FARS2: variants seen among roughly 807,000 people sequenced by gnomAD.
The protein encoded by FARS2 is phenylalanyl-tRNA synthetase 2, mitochondrial, also known as phenylalanine--tRNA ligase, mitochondrial.
Under a neutral mutation model 46.4 loss-of-function variants are expected in FARS2, and 40 were observed. The ratio of observed to expected loss-of-function variants is 0.86; its 90% CI spans 0.67 to 1.12. The LOEUF (loss-of-function observed/expected upper bound fraction) is 1.12, where lower values mean the gene tolerates loss of function less well. Ranked by LOEUF, FARS2 falls within the 50% of genes most tolerant of loss-of-function variation. The pLI is 0.00. For missense variants in FARS2, 513 were observed against 567.9 expected, an observed-to-expected ratio of 0.90 and a Z score of 0.98; for synonymous variants, 234 against 214.9, an observed-to-expected ratio of 1.09 and a Z score of -0.78.
At chr6:5,670,317 CT>C (rs1778387640) in intron 6 of FARS2, among the ~76,000 whole-genome samples, 1 of 152,206 alleles carries the variant, frequency 6.6e-6, no homozygotes, top group East Asian at 1.9e-4. Flanking sequence ...AGTACACCCC[CT>C]GATCATTGTG....
intron 4 of FARS2, among the ~76,000 whole-genome samples, chr6:5,464,063 T>G (rs1765386084): frequency 6.6e-6 from 1 of 152,204 alleles, no homozygotes; most frequent in Admixed American, 6.5e-5. Flanking sequence ...GTATGTACAT[T>G]TGGTTGCACT....
intron 2 of FARS2, among the ~76,000 whole-genome samples, chr6:5,386,601 G>A (rs2127680631): frequency 6.6e-6 from 1 of 152,262 alleles, no homozygotes; most frequent in Non-Finnish European, 1.5e-5. Flanking sequence ...TGGCAGGGAT[G>A]ATCGATAAGA....
At chr6:5,260,601 C>CCGGCCCCGGGG, upstream of FARS2, 4 of 1,202,674 alleles carry the variant, frequency 3.3e-6, no homozygotes, top group Non-Finnish European at 4.7e-6. Context: ...CCCCCGGTCC[C>CCGGCCCCGGGG]CGGCCCCTGG....
chr6:5,527,143 C>T (rs543666346), intron 4 of FARS2, among the ~76,000 whole-genome samples: 7 of 152,312 alleles, frequency 4.6e-5, no homozygotes, highest in African/African-American at 1.4e-4. Context: ...GTCAACTCTT[C>T]GGTTATATTC....
intron 6 of FARS2, among the ~76,000 whole-genome samples, chr6:5,658,188 G>A (rs1452408288): frequency 6.6e-6 from 1 of 151,696 alleles, no homozygotes; most frequent in East Asian, 1.9e-4. Context: ...CCCGGAAGGT[G>A]GAGTTTGTGG....
At chr6:5,434,463 G>C (rs1582094955) in intron 4 of FARS2, among the ~76,000 whole-genome samples, 1 of 152,292 alleles carries the variant, frequency 6.6e-6, no homozygotes, top group East Asian at 1.9e-4. Flanking sequence ...GGAAATGGAA[G>C]AAGAGACAAT....
chr6:5,321,403 A>C (rs1178423905), intron 1 of FARS2, among the ~76,000 whole-genome samples: 3 of 152,146 alleles, frequency 2.0e-5, no homozygotes, highest in Non-Finnish European at 4.4e-5. Flanking sequence ...TTCTGCATGA[A>C]GAGGGGAGGA....
chr6:5,452,692 C>G (rs1489354840), intron 4 of FARS2: 3 of 152,178 alleles, frequency 2.0e-5, no homozygotes, highest in Non-Finnish European at 4.4e-5. Flanking sequence ...ACCTTCACTT[C>G]TGGACTGGAA....
chr6:5,465,302 A>T (rs1765451719), intron 4 of FARS2, among the ~76,000 whole-genome samples: 1 of 152,212 alleles, frequency 6.6e-6, no homozygotes, highest in Non-Finnish European at 1.5e-5. Context: ...TCATTTGAAA[A>T]AGTAAAAACA....
chr6:5,281,886 G>A (rs909815310), intron 1 of FARS2, among the ~76,000 whole-genome samples: 2 of 152,078 alleles, frequency 1.3e-5, no homozygotes, highest in Admixed American at 6.6e-5. Context: ...GTGTTCACCC[G>A]GAGTCAGATC....
intron 5 of FARS2, among the ~76,000 whole-genome samples, chr6:5,568,938 A>T (rs1186949050): frequency 6.6e-6 from 1 of 152,080 alleles, no homozygotes; most frequent in African/African-American, 2.4e-5. Flanking sequence ...ACATTGAAAG[A>T]TCTTGGATCC....
rs77686941 is a variant in FARS2, at chr6:5,765,989, C to G, written c.1218-5302C>G. On this transcript the variant is annotated intron_variant, in intron 6 of 6. Transcript: ENST00000274680. The surrounding 1 kb of genome is among the most constrained non-coding windows in gnomAD (Gnocchi z 4.0). ...AAAAAAATCAAACTCTATCCAGTGA[C>G]CAACTCATTTTAGCCAATACCCCAA... is the stretch of plus-strand genomic sequence containing the variant. 6.4e-3 allele frequency among the ~76,000 whole-genome samples: 969 copies of G among 152,326 alleles called. 11 individuals carry two copies. Among genetic ancestry groups the G allele is most frequent in the African/African-American group, 0.022 (933 of 41,572 alleles).
chr6:5,489,201 C>G (rs929587637), intron 4 of FARS2, among the ~76,000 whole-genome samples: 1 of 152,134 alleles, frequency 6.6e-6, no homozygotes, highest in African/African-American at 2.4e-5. Context: ...CACCTATAAT[C>G]TGAGCACTTT....
intron 6 of FARS2, among the ~76,000 whole-genome samples, chr6:5,720,503 G>A (rs377146143): frequency 6.6e-6 from 1 of 152,282 alleles, no homozygotes; most frequent in East Asian, 1.9e-4. Context: ...TAAAGAGAAT[G>A]TGTCTTTACA....
chr6:5,744,287 C>T lies in FARS2; in HGVS notation c.1218-27004C>T, dbSNP rs369667513. 3.9e-5 allele frequency among the ~76,000 whole-genome samples: 6 copies of T among 152,332 alleles called. No individual in the cohort carries two copies. In the East Asian group the frequency reaches 1.2e-3, roughly 29 times the overall value. On this transcript the variant is annotated intron_variant, in intron 6 of 6. Coordinates refer to ENST00000274680, the MANE Select transcript of FARS2 (RefSeq NM_006567.5). ...ACCACTGCGGCAGGACAACCCTGTC[C>T]TCCTCCTCATGAATCGAATTCAGTC... is the stretch of plus-strand genomic sequence containing the variant.
chr6:5,405,262 A>G (rs887520584), intron 3 of FARS2, among the ~76,000 whole-genome samples: 3 of 152,104 alleles, frequency 2.0e-5, no homozygotes, highest in African/African-American at 7.2e-5. Context: ...CTGCGATTTG[A>G]CTGAAAATCT....
At chr6:5,522,753 A>G (rs1769223477) in intron 4 of FARS2, among the ~76,000 whole-genome samples, 1 of 152,268 alleles carries the variant, frequency 6.6e-6, no homozygotes, top group African/African-American at 2.4e-5. Flanking sequence ...AAGATTTAAC[A>G]TTGGAAAGAA....
intron 6 of FARS2, among the ~76,000 whole-genome samples, chr6:5,697,454 A>T (rs1320793955): frequency 6.6e-6 from 1 of 152,212 alleles, no homozygotes; most frequent in African/African-American, 2.4e-5. Context: ...GAGATGAAAG[A>T]CTTCTAACTC....
At chr6:5,466,933 T>G in intron 4 of FARS2, 2 of 985,414 alleles carry the variant, frequency 2.0e-6, no homozygotes, top group Non-Finnish European at 2.4e-6. Flanking sequence ...GTGACTTCTC[T>G]CTTTACTAGC....
Sources: gnomAD v4.1 joint callset for allele counts (sites outside exome capture counted in the v4.1 genomes callset) on GRCh38, gnomAD v4.1.1 for gene constraint, Gnocchi (gnomAD v3.1) non-coding constraint, MANE v1.5 for transcripts, NCBI Gene and HGNC (gene_info 2026-07-23, HGNC 2026-07-21) for gene names.